FMO3: variants seen among roughly 807,000 people sequenced by gnomAD.
FMO3 encodes flavin-containing monooxygenase 3.
FMO3 carries 40 observed loss-of-function variants against 39.4 expected under a neutral mutation model. The observed-to-expected ratio is 1.02, with a 90% CI of 0.79 to 1.32. The LOEUF (loss-of-function observed/expected upper bound fraction) is 1.32. FMO3 is among the 40% of genes most tolerant of loss of function. The probability of loss-of-function intolerance (pLI) is 0.00; values close to 1 mark genes in which losing one functional copy is unlikely to be tolerated. For missense variants in FMO3, 680 were observed against 651.8 expected (o/e 1.04, Z -0.47); for synonymous variants, 219 against 228.8 (o/e 0.96, Z 0.39).
intron 2 of FMO3, among the ~76,000 whole-genome samples, chr1:171,096,030 A>G (rs1395532250): frequency 1.7e-4 from 10 of 60,006 alleles, no homozygotes; most frequent in African/African-American, 6.1e-4. Flanking sequence ...ATATTAATAT[A>G]TAATATATAT....
chr1:171,106,469 C>A (rs572483160), intron 3 of FMO3, among the ~76,000 whole-genome samples: 13 of 152,210 alleles, frequency 8.5e-5, no homozygotes, highest in African/African-American at 3.1e-4. Flanking sequence ...ATATGTTGCT[C>A]ATACTATATT....
In FMO3 at chr1:171,104,561, T is replaced by G. The variant is rs142852670; in HGVS notation, c.321+588T>G. 3.4e-3 allele frequency among the ~76,000 whole-genome samples: 515 copies of G among 152,268 alleles called. 2 individuals carry two copies. Among genetic ancestry groups the G allele is most frequent in the African/African-American group, 0.012 (490 of 41,554 alleles). On this transcript the variant is annotated intron_variant, in intron 3 of 8. Transcript: ENST00000367755. ...GCATATGTACAAATTGAAAGTTAAT[T>G]ATTTGAAAGGACTAATAAAATAAAC...
rs144283823 is a variant in FMO3, at chr1:171,108,179, G to A, written c.585G>A (p.Ser195=). 5.6e-6 allele frequency: 9 copies of A among 1,613,734 alleles called. No individual in the cohort carries two copies. Among genetic ancestry groups the A allele is most frequent in the Admixed American group, 3.3e-5 (2 of 59,942 alleles). The stretch of plus-strand genomic sequence containing the variant: ...TCCTGGTGGTTGGCCTGGGGAATTC[G>A]GGCTGTGATATTGCCACAGAACTCA... The part of the protein sequence containing the change: ...KRVLVVGLGN[S]GCDIATELSR... The change falls in exon 5 of 9, where the codon TCG becomes TCA. Residue 195 remains serine, a synonymous_variant. Coordinates refer to ENST00000367755, the MANE Select transcript of FMO3 (RefSeq NM_001002294.3).
chr1:171,103,922 T>A lies in FMO3; in HGVS notation c.270T>A (p.Tyr90Ter). The A allele has an allele frequency of 6.2e-7, 1 of 1,613,950 alleles. No individual in the cohort carries two copies. The highest frequency in any genetic ancestry group is 1.1e-5 in the South Asian group (1 of 91,078). Residue 90 changes from tyrosine to a stop codon, truncating the protein, a stop_gained, in exon 3 of 9, where the codon TAT (tyrosine) becomes TAA (stop). Transcript: ENST00000367755. LOFTEE classifies it high-confidence loss of function. ...TGCACAACAGCAAGATCCAGGAATA[T>A]ATCATTGCATTTGCCAAAGAAAAGA... ...NFMHNSKIQE[Y>*]IIAFAKEKNL... is the part of the protein sequence containing the mutation.
At chr1:171,108,341 G>A in intron 5 of FMO3, 120 bp downstream of exon 5, 1 of 1,224,114 alleles carries the variant, frequency 8.2e-7, no homozygotes, top group Non-Finnish European at 1.2e-6. Flanking sequence ...AGACTAAGTG[G>A]TATTTCACAT....
intron 2 of FMO3, among the ~76,000 whole-genome samples, chr1:171,095,992 T>C (rs1313395503): frequency 1.8e-5 from 1 of 57,046 alleles, no homozygotes; most frequent in Non-Finnish European, 3.1e-5. Flanking sequence ...ATATTTTATA[T>C]ATTTTTATAT....
chr1:171,096,625 AC>A (rs1655084779), intron 2 of FMO3, among the ~76,000 whole-genome samples: 1 of 125,886 alleles, frequency 7.9e-6, no homozygotes, highest in Non-Finnish European at 1.6e-5. Flanking sequence ...TACATAATAT[AC>A]TTTATATATT....
chr1:171,108,595 C>T (rs1655757205), intron 5 of FMO3, among the ~76,000 whole-genome samples: 1 of 152,122 alleles, frequency 6.6e-6, no homozygotes, highest in Admixed American at 6.6e-5. Context: ...AAAAATAGAA[C>T]CTACTTCTGG....
intron 2 of FMO3, among the ~76,000 whole-genome samples, chr1:171,094,799 G>A (rs1356773883): frequency 2.6e-5 from 4 of 152,096 alleles, no homozygotes; most frequent in Admixed American, 6.6e-5. Flanking sequence ...TGATCTATGT[G>A]TCTATGTTTA....
chr1:171,117,150 A>C lies in FMO3; in HGVS notation c.1307A>C (p.Glu436Ala), dbSNP rs779178942. 2 of 1,614,086 alleles carry C rather than the reference A, an allele frequency of 1.2e-6. No individual in the cohort carries two copies. The highest frequency in any genetic ancestry group is 8.5e-7 in the Non-Finnish European group (1 of 1,180,024). The change falls in exon 9 of 9, where the codon GAA becomes GCA. Residue 436 changes from glutamate to alanine, a missense_variant. Coordinates refer to ENST00000367755, the MANE Select transcript of FMO3 (RefSeq NM_001002294.3). The stretch of plus-strand genomic sequence containing the variant: ...ACAGATTACATTGTTTATATGGATG[A>C]ACTCTCCTCCTTCATTGGGGCAAAG... ...IQTDYIVYMD[E>A]LSSFIGAKPN...
At position 171,114,086 on chromosome 1, in the gene FMO3, G is replaced by C. The variant is rs371057073; in HGVS notation, c.907G>C (p.Val303Leu). The change falls in exon 7 of 9, where the codon GTG becomes CTG. Residue 303 changes from valine to leucine, a missense_variant. Val to Leu is a conservative substitution (Grantham distance 32, BLOSUM62 1). Coordinates refer to ENST00000367755, the MANE Select transcript of FMO3 (RefSeq NM_001002294.3). Reference protein sequence around the residue: ...LCGIVSVKPNVKEFTETSAIF... With the variant: ...LCGIVSVKPNLKEFTETSAIF... ...TGGCATTGTGTCCGTAAAGCCTAAC[G>C]TGAAGGAATTCACAGAGACCTCGGC... 6.2e-7 allele frequency: 1 copy of C among 1,613,666 alleles called. No individual in the cohort carries two copies. The highest frequency in any genetic ancestry group is 8.5e-7 in the Non-Finnish European group (1 of 1,179,716).
intron 2 of FMO3, chr1:171,100,199 A>G (rs181203603): frequency 1.1e-4 from 16 of 152,354 alleles, no homozygotes; most frequent in African/African-American, 3.6e-4. Flanking sequence ...GAACACAGCC[A>G]AAGACAGCTA....
Position 171,108,118 on chromosome 1 carries a change from A to C in FMO3, c.524A>C (p.Asp175Ala), listed in dbSNP as rs1388019941. Reference sequence around the variant, plus strand: ...AAAGGCAAATGCTTCCACAGCAGGGACTATAAAGAACCAGGTGTATTCAAT... The same window carrying C: ...AAAGGCAAATGCTTCCACAGCAGGGCCTATAAAGAACCAGGTGTATTCAAT... ...HFKGKCFHSR[D>A]YKEPGVFNGK... The change falls in exon 5 of 9, where the codon GAC becomes GCC. Residue 175 changes from aspartate (D) to alanine (A), a missense_variant. Asp to Ala is a moderately radical substitution (Grantham distance 126, BLOSUM62 -2). Transcript: ENST00000367755. 6.8e-6 allele frequency: 11 copies of C among 1,613,786 alleles called. No individual in the cohort carries two copies. Among genetic ancestry groups the C allele is most frequent in the African/African-American group, 1.3e-5 (1 of 74,874 alleles).
At position 171,117,131 on chromosome 1, in the gene FMO3, T is replaced by C. The variant is rs756249764; in HGVS notation, c.1288T>C (p.Tyr430His). ...FGKSETIQTD[Y>H]IVYMDELSSF... is the part of the protein sequence containing the mutation. ...CAAAAGCGAGACCATACAGACAGATTACATTGTTTATATGGATGAACTCTC... is the reference window on the plus strand; with the variant it reads ...CAAAAGCGAGACCATACAGACAGATCACATTGTTTATATGGATGAACTCTC... Residue 430 changes from tyrosine (Y) to histidine (H), a missense_variant, in exon 9 of 9, where the codon TAC (tyrosine) becomes CAC (histidine). By Grantham distance (83) the Tyr-to-His change is moderately conservative. Transcript: ENST00000367755. The C allele has an allele frequency of 1.2e-5, 19 of 1,614,196 alleles. No individual in the cohort carries two copies. In the South Asian group the frequency reaches 2.1e-4, roughly 18 times the overall value.
intron 2 of FMO3, among the ~76,000 whole-genome samples, chr1:171,095,016 T>C (rs1276515553): frequency 2.0e-5 from 3 of 152,160 alleles, no homozygotes; most frequent in African/African-American, 7.2e-5. Flanking sequence ...CTTTTGGGCA[T>C]ATGGTTATTT....
At chr1:171,095,787 T>C (rs911261652) in intron 2 of FMO3, among the ~76,000 whole-genome samples, 2 of 123,604 alleles carry the variant, frequency 1.6e-5, no homozygotes, top group African/African-American at 6.0e-5. Context: ...ATATATTAAA[T>C]ATATAAAAAA....
intron 2 of FMO3, among the ~76,000 whole-genome samples, chr1:171,096,633 TA>T (rs1431634878): frequency 0.16 from 18,037 of 115,686 alleles, 2,469 homozygotes; most frequent in African/African-American, 0.21. Flanking sequence ...ATACTTTATA[TA>T]TTAAATACAT....
At chr1:171,108,262 A>G in intron 5 of FMO3, 41 bp downstream of exon 5, 1 of 1,610,740 alleles carries the variant, frequency 6.2e-7, no homozygotes, top group Non-Finnish European at 8.5e-7. Flanking sequence ...CGTTACTGAC[A>G]GAAGAGTTAT....
intron 2 of FMO3, among the ~76,000 whole-genome samples, chr1:171,096,236 T>TA (rs1553228192): frequency 1.2e-5 from 1 of 86,784 alleles, no homozygotes; most frequent in Admixed American, 2.1e-4. Flanking sequence ...ATAAAATATA[T>TA]TATTTCATAC....
Sources: gnomAD v4.1 joint callset for allele counts (sites outside exome capture counted in the v4.1 genomes callset) on GRCh38, gnomAD v4.1.1 for gene constraint, MANE v1.5 for transcripts, NCBI Gene and HGNC (gene_info 2026-07-23, HGNC 2026-07-21) for gene names.